Variants in CDKAL1 observed in about 807,000 individuals in gnomAD.
The protein encoded by CDKAL1 is threonylcarbamoyladenosine tRNA methylthiotransferase.
In CDKAL1, 32 loss-of-function variants were observed where a neutral mutation model predicts 68.2. The ratio of observed to expected loss-of-function variants is 0.47; its 90% CI spans 0.35 to 0.63. The LOEUF (loss-of-function observed/expected upper bound fraction) is 0.63, where lower values mean the gene tolerates loss of function less well. CDKAL1 is among the 30% of genes least tolerant of loss of function. The pLI, the probability that CDKAL1 is intolerant of heterozygous loss-of-function variation, is 0.00. For synonymous variants in CDKAL1, 234 were observed against 244.3 expected, an observed-to-expected ratio of 0.96 and a Z score of 0.39; for missense variants, 606 against 696.7, an observed-to-expected ratio of 0.87 and a Z score of 1.47.
At chr6:21,111,607 T>TA (rs968845667) in intron 13 of CDKAL1, among the ~76,000 whole-genome samples, 3 of 152,222 alleles carry the variant, frequency 2.0e-5, no homozygotes, top group African/African-American at 7.2e-5. Flanking sequence ...GTTTAGGTTG[T>TA]AAATGGTCAG....
At chr6:21,120,039 A>G (rs918341374) in intron 13 of CDKAL1, among the ~76,000 whole-genome samples, 5 of 152,194 alleles carry the variant, frequency 3.3e-5, no homozygotes, top group African/African-American at 1.2e-4. Flanking sequence ...TTTCTGATAG[A>G]CACAGAGGAT....
intron 10 of CDKAL1, among the ~76,000 whole-genome samples, chr6:20,979,065 T>C (rs1005943983): frequency 6.6e-6 from 1 of 152,212 alleles, no homozygotes; most frequent in Non-Finnish European, 1.5e-5. Flanking sequence ...AATTCTCCTG[T>C]ATAAAAAGTA....
chr6:20,766,090 A>T (rs1329893127), intron 7 of CDKAL1, among the ~76,000 whole-genome samples: 2 of 152,182 alleles, frequency 1.3e-5, no homozygotes, highest in African/African-American at 4.8e-5. Flanking sequence ...CTGCTGCTTT[A>T]TGGTGGCTTC....
At chr6:21,216,044 A>G (rs192653394) in intron 15 of CDKAL1, among the ~76,000 whole-genome samples, 2 of 152,298 alleles carry the variant, frequency 1.3e-5, no homozygotes, top group Admixed American at 1.3e-4. Context: ...TCGAAGATGG[A>G]AGCAGGCTGT....
At chr6:21,066,506 T>G (rs1454722526) in intron 12 of CDKAL1, among the ~76,000 whole-genome samples, 1 of 152,170 alleles carries the variant, frequency 6.6e-6, no homozygotes, top group Admixed American at 6.5e-5. Flanking sequence ...TGGTGTACAG[T>G]TCTATGACTT....
chr6:20,564,589 A>G (rs1764386511), intron 4 of CDKAL1, among the ~76,000 whole-genome samples: 1 of 152,242 alleles, frequency 6.6e-6, no homozygotes, highest in Non-Finnish European at 1.5e-5. Context: ...ATATTTAACA[A>G]TCATTTTGTA....
At chr6:20,851,885 TA>T (rs1363260978) in intron 9 of CDKAL1, among the ~76,000 whole-genome samples, 3 of 152,080 alleles carry the variant, frequency 2.0e-5, no homozygotes, top group African/African-American at 7.2e-5. Context: ...TGTTCAGTTG[TA>T]CACTTTATAT....
chr6:21,213,449 C>A (rs1192978721), intron 15 of CDKAL1, among the ~76,000 whole-genome samples: 1 of 152,156 alleles, frequency 6.6e-6, no homozygotes. Flanking sequence ...AGGAATTGGT[C>A]ATTGGTCTTT....
intron 9 of CDKAL1, among the ~76,000 whole-genome samples, chr6:20,876,845 TAC>T (rs199865465): frequency 3.0e-4 from 46 of 152,098 alleles, no homozygotes; most frequent in African/African-American, 7.0e-4. Flanking sequence ...CTTTATGATA[TAC>T]ACACACACAC....
chr6:20,716,528 G>T (rs1426126641), intron 5 of CDKAL1, among the ~76,000 whole-genome samples: 1 of 148,560 alleles, frequency 6.7e-6, no homozygotes, highest in Admixed American at 6.7e-5. Context: ...GAGGTAGATT[G>T]TGCAAATGAA....
chr6:21,117,710 T>A (rs1774487869), intron 13 of CDKAL1, among the ~76,000 whole-genome samples: 1 of 152,216 alleles, frequency 6.6e-6, no homozygotes, highest in Non-Finnish European at 1.5e-5. Flanking sequence ...GAAACCCTAG[T>A]TGCGTGAGCA....
chr6:20,978,846 TAG>T (rs1765969933), intron 10 of CDKAL1, among the ~76,000 whole-genome samples: 1 of 152,142 alleles, frequency 6.6e-6, no homozygotes, highest in South Asian at 2.1e-4. Context: ...GTTGAGAATA[TAG>T]AGTTTTTGTT....
chr6:20,758,649 C>A lies in CDKAL1; in HGVS notation c.517+6C>A. On this transcript the variant is annotated splice_donor_region_variant and intron_variant, in intron 7 of 15. Coordinates refer to ENST00000274695, the MANE Select transcript of CDKAL1 (RefSeq NM_017774.3). ...TGTGGAGGAGACAATTAAAGGTAAT[C>A]GTTGAAAGTGAGATAAACAGATGTA... 6.2e-7 allele frequency: 1 copy of A among 1,601,344 alleles called. No homozygotes were observed. The highest frequency in any genetic ancestry group is 8.5e-7 in the Non-Finnish European group (1 of 1,172,554).
intron 10 of CDKAL1, among the ~76,000 whole-genome samples, chr6:20,999,663 TA>T (rs36078234): frequency 0.065 from 6,060 of 93,396 alleles, 184 homozygotes; most frequent in African/African-American, 0.12. Context: ...TGACTGAAAT[TA>T]AAAAAAAAAA....
intron 4 of CDKAL1, among the ~76,000 whole-genome samples, chr6:20,594,999 G>A (rs959951298): frequency 5.3e-5 from 8 of 152,110 alleles, no homozygotes; most frequent in East Asian, 1.9e-4. Context: ...AATATTGGCC[G>A]CCACTCTCTG....
chr6:21,203,691 CT>C (rs915087377), intron 15 of CDKAL1, among the ~76,000 whole-genome samples: 1,253 of 94,086 alleles, frequency 0.013, 12 homozygotes, highest in African/African-American at 0.046. Context: ...CACTTGACCT[CT>C]TTTTTTTTTT....
intron 13 of CDKAL1, among the ~76,000 whole-genome samples, chr6:21,109,061 C>T (rs1773995617): frequency 1.3e-5 from 2 of 152,154 alleles, no homozygotes; most frequent in South Asian, 4.1e-4. Flanking sequence ...AATTCCTAGA[C>T]ATCTTTTCAC....
At chr6:21,080,353 G>A (rs1001154215) in intron 12 of CDKAL1, among the ~76,000 whole-genome samples, 2 of 152,130 alleles carry the variant, frequency 1.3e-5, no homozygotes, top group Admixed American at 6.6e-5. Flanking sequence ...TGAAAGAAAA[G>A]ACTGTTTCTA....
Position 21,013,255 on chromosome 6 carries a change from AG to A in CDKAL1, c.1055+12885del, listed in dbSNP as rs375336762. Among the ~76,000 whole-genome samples the A allele has an allele frequency of 3.7e-3, 569 of 152,220 alleles. 6 individuals carry two copies. Among genetic ancestry groups the A allele is most frequent in the African/African-American group, 0.012 (497 of 41,554 alleles). ...CAGTCAAATTTAATTCTAATTCACA[AG>A]GAGAGTGGTTTTCTTAGCAAAGCTG... On this transcript the variant is annotated intron_variant, in intron 11 of 15. Transcript: ENST00000274695.
Sources: gnomAD v4.1 joint callset for allele counts (sites outside exome capture counted in the v4.1 genomes callset) on GRCh38, gnomAD v4.1.1 for gene constraint, MANE v1.5 for transcripts, NCBI Gene and HGNC (gene_info 2026-07-23, HGNC 2026-07-21) for gene names.